CFAP44: variants seen among roughly 807,000 people sequenced by gnomAD.
CFAP44 encodes the protein cilia- and flagella-associated protein 44.
A neutral mutation model predicts 216.2 loss-of-function variants in CFAP44; 134 were observed. That is an observed-to-expected ratio of 0.62 (90% confidence interval 0.54 to 0.72). The LOEUF (loss-of-function observed/expected upper bound fraction) is 0.72, where lower values mean the gene tolerates loss of function less well. CFAP44 is among the 30% of genes least tolerant of loss of function. The pLI, the probability that CFAP44 is intolerant of heterozygous loss-of-function variation, is 0.00. For missense variants in CFAP44, 2,035 were observed against 2,182.1 expected (o/e 0.93, Z 1.34); for synonymous variants, 700 against 727.6 (o/e 0.96, Z 0.61).
intron 33 of CFAP44, among the ~76,000 whole-genome samples, chr3:113,295,032 T>C (rs1408327472): frequency 6.6e-6 from 1 of 151,956 alleles, no homozygotes; most frequent in East Asian, 1.9e-4. Context: ...AGAATAGGAG[T>C]AGGTAGAAAT....
chr3:113,421,799 C>T (rs974049745), intron 4 of CFAP44, among the ~76,000 whole-genome samples: 1 of 143,090 alleles, frequency 7.0e-6, no homozygotes, highest in Admixed American at 7.0e-5. Flanking sequence ...TACACACAGA[C>T]ACAAAGACAG....
chr3:113,403,866 C>A lies in CFAP44; in HGVS notation c.1156G>T (p.Asp386Tyr). 1 of 1,613,132 alleles carries A rather than the reference C, an allele frequency of 6.2e-7. No homozygotes were observed. Among genetic ancestry groups the A allele is most frequent in the Non-Finnish European group, 8.5e-7 (1 of 1,179,598 alleles). The stretch of plus-strand genomic sequence containing the variant: ...AGAAAACTTACCCTAACATATCCAT[C>A]TGACCCAACAGTGATAACTTCACCC... ...YEGEVITVGS[D>Y]GYVRIWDFET... Residue 386 changes from aspartate to tyrosine, a missense_variant, in exon 9 of 35, where the codon GAT (aspartate) becomes TAT (tyrosine). Asp to Tyr is a radical substitution (Grantham distance 160). This residue lies in a region of CFAP44 where 1,883 missense variants were observed against 2,023.7 expected (regional missense o/e 0.93). Coordinates refer to ENST00000393845, the MANE Select transcript of CFAP44 (RefSeq NM_001164496.2).
chr3:113,341,952 G>C (rs1407173054), intron 23 of CFAP44, 34 bp from the exon 24 acceptor site: 2 of 1,483,208 alleles, frequency 1.3e-6, no homozygotes, highest in Admixed American at 5.7e-5. Context: ...CAGCCTTTTT[G>C]AGACATAAAA....
chr3:113,327,514 A>G (rs2107808788), intron 27 of CFAP44, 102 bp downstream of exon 27: 1 of 1,032,758 alleles, frequency 9.7e-7, no homozygotes, highest in Non-Finnish European at 1.4e-6. Flanking sequence ...AGAAAGAGAT[A>G]AGGGCTAGAA....
intron 28 of CFAP44, among the ~76,000 whole-genome samples, chr3:113,318,512 A>T (rs967814253): frequency 6.6e-6 from 1 of 152,236 alleles, no homozygotes; most frequent in African/African-American, 2.4e-5. Flanking sequence ...TTGAGAATGT[A>T]GTCCACAAAA....
At chr3:113,369,529 A>G (rs1933077037) in intron 18 of CFAP44, among the ~76,000 whole-genome samples, 1 of 152,238 alleles carries the variant, frequency 6.6e-6, no homozygotes, top group Non-Finnish European at 1.5e-5. Flanking sequence ...TTTGAAACCA[A>G]TGAGAACAAG....
chr3:113,367,902 C>T (rs1009160918), intron 18 of CFAP44, among the ~76,000 whole-genome samples: 1 of 152,096 alleles, frequency 6.6e-6, no homozygotes, highest in Non-Finnish European at 1.5e-5. Context: ...TAAATGACCT[C>T]CTGGAGCTGA....
At chr3:113,354,371 A>G (rs1257265085) in intron 22 of CFAP44, among the ~76,000 whole-genome samples, 3 of 152,152 alleles carry the variant, frequency 2.0e-5, no homozygotes, top group Non-Finnish European at 4.4e-5. Context: ...TGCTTTCTCA[A>G]TGGGGAGGCT....
chr3:113,321,254 G>A (rs1950143783), intron 28 of CFAP44, among the ~76,000 whole-genome samples: 1 of 152,114 alleles, frequency 6.6e-6, no homozygotes, highest in Non-Finnish European at 1.5e-5. Context: ...CACATAAACA[G>A]AATTAAAAGC....
At position 113,339,565 on chromosome 3, in the gene CFAP44, A is replaced by G. The variant is rs188742378; in HGVS notation, c.3437+2179T>C. Among the ~76,000 whole-genome samples the G allele has an allele frequency of 2.0e-5, 3 of 152,286 alleles. No individual in the cohort carries two copies. The East Asian group carries it at 5.8e-4, about 29-fold the overall frequency. On this transcript the variant is annotated intron_variant, in intron 24 of 34. Coordinates refer to ENST00000393845, the MANE Select transcript of CFAP44 (RefSeq NM_001164496.2). ...CTTGGGCCTGTTTATGCCATGAAGC[A>G]TGGTCTCCTTCCATGGGGTGAGAGG...
At chr3:113,370,653 C>G (rs1274886382) in intron 18 of CFAP44, among the ~76,000 whole-genome samples, 1 of 152,174 alleles carries the variant, frequency 6.6e-6, no homozygotes, top group Non-Finnish European at 1.5e-5. Flanking sequence ...GAAGCATTTC[C>G]TTTTGAAAAC....
At position 113,330,382 on chromosome 3, in the gene CFAP44, C is replaced by A. The variant is rs1290983807; in HGVS notation, c.3902G>T (p.Gly1301Val). 1 of 1,537,290 alleles carries A rather than the reference C, an allele frequency of 6.5e-7. No individual in the cohort carries two copies. ...SPGVEQTGSG[G>V]PVGGFLKLSS... The stretch of plus-strand genomic sequence containing the variant: ...GAGTTTGAGGAATCCTCCAACTGGG[C>A]CTCCAGACCCTGTCTGTTCCACTCC... Residue 1301 changes from glycine (G) to valine (V), a missense_variant, in exon 26 of 35, where the codon GGC becomes GTC. Transcript: ENST00000393845.
chr3:113,400,109 C>T, intron 12 of CFAP44, 109 bp from the exon 13 acceptor site: 1 of 644,964 alleles, frequency 1.6e-6, no homozygotes. Flanking sequence ...TTAACTAAAT[C>T]AGTCAATAAC....
At chr3:113,308,803 G>A (rs1950011438) in intron 28 of CFAP44, among the ~76,000 whole-genome samples, 4 of 151,954 alleles carry the variant, frequency 2.6e-5, no homozygotes, top group South Asian at 2.1e-4. Flanking sequence ...ACAGGGTTTC[G>A]CCATGTTGCC....
At chr3:113,349,176 A>G (rs996675143) in intron 22 of CFAP44, among the ~76,000 whole-genome samples, 2 of 152,234 alleles carry the variant, frequency 1.3e-5, no homozygotes, top group African/African-American at 4.8e-5. Flanking sequence ...ACTCAGGGAA[A>G]GGAAGAAAAT....
intron 13 of CFAP44, 60 bp downstream of exon 13, chr3:113,399,846 A>T (rs1339633173): frequency 1.9e-5 from 21 of 1,120,466 alleles, no homozygotes; most frequent in Non-Finnish European, 2.5e-5. Flanking sequence ...TCCAGAAAAT[A>T]GCATTGATAT....
chr3:113,372,976 A>G (rs1255362103), intron 18 of CFAP44, among the ~76,000 whole-genome samples: 1 of 152,206 alleles, frequency 6.6e-6, no homozygotes. Context: ...AACTAATACA[A>G]AAGAATAGAG....
intron 18 of CFAP44, among the ~76,000 whole-genome samples, chr3:113,372,961 T>C (rs992001337): frequency 2.6e-5 from 4 of 152,122 alleles, no homozygotes; most frequent in African/African-American, 7.2e-5. Flanking sequence ...GTGGCAGCCC[T>C]AGCAAACTAA....
chr3:113,377,508 T>C (rs1265148663), intron 17 of CFAP44, among the ~76,000 whole-genome samples: 2 of 152,080 alleles, frequency 1.3e-5, no homozygotes, highest in Non-Finnish European at 2.9e-5. Context: ...TTTCTTCATA[T>C]ATAAAATGCA....
Sources: allele counts gnomAD v4.1 joint callset (sites outside exome capture counted in the v4.1 genomes callset), GRCh38; gene constraint gnomAD v4.1.1; regional missense constraint gnomAD v4.1.1; transcripts MANE v1.5; gene names NCBI Gene and HGNC (gene_info 2026-07-23, HGNC 2026-07-21).